Variants in USP32 observed in about 807,000 individuals in gnomAD.
USP32 encodes ubiquitin specific peptidase 32.
USP32 carries 59 observed loss-of-function variants against 204.8 expected under a neutral mutation model. That is an observed-to-expected ratio of 0.29 (90% CI 0.23 to 0.36). USP32 has a LOEUF of 0.36. Ranked by LOEUF, USP32 falls within the 10% of genes least tolerant of loss-of-function variation. The probability of loss-of-function intolerance (pLI) is 1.00; values close to 1 mark genes in which losing one functional copy is unlikely to be tolerated. For synonymous variants in USP32, 517 were observed against 678.4 expected, an observed-to-expected ratio of 0.76 and a Z score of 3.70; for missense variants, 1,160 against 1,946.4, an observed-to-expected ratio of 0.60 and a Z score of 7.60.
At chr17:60,354,233 T>C (rs1185230441) in intron 1 of USP32, among the ~76,000 whole-genome samples, 3 of 152,232 alleles carry the variant, frequency 2.0e-5, no homozygotes, top group East Asian at 1.9e-4. Flanking sequence ...ATTTGTCTTA[T>C]CTCTCCAAGT....
chr17:60,282,033 A>G (rs1390786333), intron 5 of USP32, among the ~76,000 whole-genome samples: 4 of 152,214 alleles, frequency 2.6e-5, no homozygotes, highest in Non-Finnish European at 5.9e-5. Flanking sequence ...ACAAAACTCA[A>G]CTAAGATGCC....
chr17:60,311,589 G>A (rs767035078), intron 2 of USP32, among the ~76,000 whole-genome samples: 1 of 152,198 alleles, frequency 6.6e-6, no homozygotes, highest in African/African-American at 2.4e-5. Context: ...TTGGGAGGCC[G>A]AGGATGGTGG....
chr17:60,192,722 G>C (rs566229909), intron 28 of USP32, 122 bp downstream of exon 28: 3 of 1,282,220 alleles, frequency 2.3e-6, no homozygotes. Flanking sequence ...ACCGTGCCCA[G>C]CCACAATTCT....
chr17:60,197,549 A>G (rs1439510475), intron 27 of USP32, among the ~76,000 whole-genome samples: 3 of 152,258 alleles, frequency 2.0e-5, no homozygotes, highest in Non-Finnish European at 4.4e-5. Flanking sequence ...GGCTGCAGTA[A>G]GCCAGGATCG....
At chr17:60,280,199 C>T (rs59433056) in intron 5 of USP32, among the ~76,000 whole-genome samples, 12 of 152,022 alleles carry the variant, frequency 7.9e-5, no homozygotes, top group African/African-American at 2.2e-4. Flanking sequence ...TGGGTTCAAG[C>T]GATTCTCCTG....
chr17:60,204,078 C>G (rs1375764403), intron 26 of USP32, among the ~76,000 whole-genome samples: 1 of 151,842 alleles, frequency 6.6e-6, no homozygotes, highest in Non-Finnish European at 1.5e-5. Context: ...TCTTTTTTAC[C>G]AAAGAGTCAA....
chr17:60,297,979 A>C (rs1409217353), intron 3 of USP32, among the ~76,000 whole-genome samples: 1 of 152,200 alleles, frequency 6.6e-6, no homozygotes, highest in Non-Finnish European at 1.5e-5. Flanking sequence ...ACCACTGACC[A>C]TGGACTGGTT....
At chr17:60,345,826 A>C (rs1038325847) in intron 1 of USP32, among the ~76,000 whole-genome samples, 1 of 152,122 alleles carries the variant, frequency 6.6e-6, no homozygotes, top group Non-Finnish European at 1.5e-5. Context: ...TACAAAAAAA[A>C]CAAAAATTAG....
upstream of USP32, among the ~76,000 whole-genome samples, chr17:60,396,047 A>G (rs1041819034): frequency 9.1e-6 from 1 of 110,302 alleles, no homozygotes; most frequent in South Asian, 3.4e-4. Flanking sequence ...TTGTATTTTT[A>G]TGTACACTAA....
At chr17:60,379,044 GAA>G (rs1278533753) in intron 1 of USP32, among the ~76,000 whole-genome samples, 1 of 152,084 alleles carries the variant, frequency 6.6e-6, no homozygotes, top group East Asian at 1.9e-4. Flanking sequence ...GAACTATTTT[GAA>G]AGTCTTTTAC....
At position 60,357,632 on chromosome 17, in the gene USP32, G is replaced by A. The variant is rs2089114799; in HGVS notation, c.59-12024C>T. On this transcript the variant is annotated intron_variant, in intron 1 of 33. Transcript: ENST00000300896. Reference sequence around the variant, plus strand: ...ATACAAAAGGACAAAAATGTCCTAAGGGTACCTTTATCTTTCCAAGTGATT... The same window carrying A: ...ATACAAAAGGACAAAAATGTCCTAAAGGTACCTTTATCTTTCCAAGTGATT... 6.6e-5 allele frequency among the ~76,000 whole-genome samples: 10 copies of A among 152,226 alleles called. No individual in the cohort carries two copies. In the South Asian group the frequency reaches 2.1e-3, roughly 32 times the overall value.
Position 60,181,349 on chromosome 17 carries a change from G to A in USP32, c.4523C>T (p.Pro1508Leu), listed in dbSNP as rs773703910. 1.4e-5 allele frequency: 23 copies of A among 1,612,766 alleles called. 1 individual carries two copies. The Admixed American group carries it at 3.7e-4, about 26-fold the overall frequency. The change falls in exon 32 of 34, where the codon CCT (proline) becomes CTT (leucine). Residue 1508 changes from proline to leucine, a missense_variant. Transcript: ENST00000300896. ...DDQREDTRIK[P>L]IYNLYAISCH... Reference sequence around the variant, plus strand: ...CGAAATTGCATATAGATTATAAATAGGCTTAATACGAGTATCTTCTCTTTG... The same window carrying A: ...CGAAATTGCATATAGATTATAAATAAGCTTAATACGAGTATCTTCTCTTTG...
At chr17:60,253,997 G>A (rs954282862) in intron 10 of USP32, among the ~76,000 whole-genome samples, 9 of 152,086 alleles carry the variant, frequency 5.9e-5, no homozygotes, top group South Asian at 2.1e-4. Context: ...TAACTCTCAG[G>A]AAGAGACCAA....
intron 12 of USP32, among the ~76,000 whole-genome samples, chr17:60,231,181 T>C (rs1313338734): frequency 6.6e-6 from 1 of 152,206 alleles, no homozygotes; most frequent in East Asian, 1.9e-4. Context: ...TGTTCTAAAA[T>C]ATGGGTCAAG....
chr17:60,356,175 G>A (rs1211298447), intron 1 of USP32, among the ~76,000 whole-genome samples: 1 of 151,914 alleles, frequency 6.6e-6, no homozygotes, highest in Non-Finnish European at 1.5e-5. Flanking sequence ...TTTTCCCCTG[G>A]CATTCTTCAA....
At chr17:60,254,804 C>T (rs1406811610) in intron 10 of USP32, among the ~76,000 whole-genome samples, 4 of 152,034 alleles carry the variant, frequency 2.6e-5, no homozygotes, top group African/African-American at 9.6e-5. Flanking sequence ...ATTAGGAAGG[C>T]CTTTTATTTA....
chr17:60,183,566 T>C (rs2084170340), intron 30 of USP32, 113 bp from the exon 31 acceptor site: 2 of 1,384,310 alleles, frequency 1.4e-6, no homozygotes, highest in Non-Finnish European at 2.0e-6. Context: ...TAACAGAACA[T>C]TTACTCTTCA....
At chr17:60,369,732 T>G (rs780462024) in intron 1 of USP32, among the ~76,000 whole-genome samples, 1 of 152,030 alleles carries the variant, frequency 6.6e-6, no homozygotes, top group Non-Finnish European at 1.5e-5. Flanking sequence ...TCAAGGTACT[T>G]ATTAAGTTCT....
intron 12 of USP32, among the ~76,000 whole-genome samples, chr17:60,235,192 C>T (rs902086111): frequency 6.6e-6 from 1 of 152,156 alleles, no homozygotes; most frequent in Non-Finnish European, 1.5e-5. Context: ...AAAACATTAA[C>T]AACCACTCAT....
Sources: allele counts gnomAD v4.1 joint callset (sites outside exome capture counted in the v4.1 genomes callset), GRCh38; gene constraint gnomAD v4.1.1; transcripts MANE v1.5; gene names NCBI Gene and HGNC (gene_info 2026-07-23, HGNC 2026-07-21).